The following GATA6 variants were observed in gnomAD, a reference collection of about 807,000 sequenced individuals.
GATA6 encodes transcription factor GATA-6.
In GATA6, 11 loss-of-function variants were observed where a neutral mutation model predicts 48.1. The observed-to-expected ratio is 0.23, with a 90% CI of 0.14 to 0.38. GATA6 has a LOEUF of 0.38. Among genes scored for constraint, GATA6 ranks in the 10% least tolerant of loss-of-function variants. The pLI is 1.00. For missense variants in GATA6, 795 were observed against 850.3 expected (o/e 0.93, Z 0.81); for synonymous variants, 419 against 396.1 (o/e 1.06, Z -0.69).
Position 22,200,338 on chromosome 18 carries a change from A to G in GATA6, c.1621-318A>G, listed in dbSNP as rs1056378185. Among the ~76,000 whole-genome samples the G allele has an allele frequency of 1.1e-4, 17 of 152,360 alleles. No individual in the cohort carries two copies. The East Asian group carries it at 2.7e-3, about 24-fold the overall frequency. On this transcript the variant is annotated intron_variant, in intron 6 of 6. Coordinates refer to ENST00000269216, the MANE Select transcript of GATA6 (RefSeq NM_005257.6). ...TCTTAGAGCTTGGCACTTTTTACAA[A>G]TAGGATTTCTTCAGTTCCCCTTCCT...
At position 22,200,930 on chromosome 18, in the gene GATA6, A is replaced by T; in HGVS notation, c.*107A>T. 1 of 1,161,696 alleles carries T rather than the reference A, an allele frequency of 8.6e-7. No homozygotes were observed. Among genetic ancestry groups the T allele is most frequent in the Non-Finnish European group, 1.2e-6 (1 of 824,626 alleles). 72.0% of individuals were successfully genotyped at this position (1,161,696 alleles called of 1,614,324 possible). A position where few individuals can be genotyped will look rare whatever the true frequency, so the allele number is the denominator to read the frequency against. Reference sequence around the variant, plus strand: ...GTGGCGACTGCGCTGACAGAACGTGATTCTCGTGCCTTTATTTTGAAAGAG... The same window carrying T: ...GTGGCGACTGCGCTGACAGAACGTGTTTCTCGTGCCTTTATTTTGAAAGAG... On this transcript the variant is annotated 3_prime_UTR_variant, in exon 7 of 7. Transcript: ENST00000269216.
At position 22,170,707 on chromosome 18, in the gene GATA6, T is replaced by C. The variant is rs1279271977; in HGVS notation, c.-37-401T>C. ...TGCCGACACGCACAGCTACTTAAAT[T>C]CTTTTGTGTGTCATCAGCCCGGGGG... On this transcript the variant is annotated intron_variant, in intron 1 of 6. Coordinates refer to ENST00000269216, the MANE Select transcript of GATA6 (RefSeq NM_005257.6). This position sits in a 1 kb window ranked among gnomAD's most constrained non-coding sequence, Gnocchi z 6.7. 6.6e-6 allele frequency among the ~76,000 whole-genome samples: 1 copy of C among 152,046 alleles called. No homozygotes were observed. The highest frequency in any genetic ancestry group is 6.5e-5 in the Admixed American group (1 of 15,276).
At chr18:22,180,549 A>G (rs1040071344) in intron 3 of GATA6, among the ~76,000 whole-genome samples, 1 of 152,204 alleles carries the variant, frequency 6.6e-6, no homozygotes, top group African/African-American at 2.4e-5. Context: ...GTATCACTGC[A>G]TCTAAGACAG....
chr18:22,180,120 G>T (rs1288308433), intron 3 of GATA6: 1 of 151,406 alleles, frequency 6.6e-6, no homozygotes, highest in African/African-American at 2.4e-5. Context: ...TTTTAACTAT[G>T]GAAGGCTTCA....
At position 22,185,839 on chromosome 18, in the gene GATA6, A is replaced by G. The variant is rs1047569870; in HGVS notation, c.1620+2796A>G. Among the ~76,000 whole-genome samples the G allele has an allele frequency of 2.0e-5, 3 of 152,046 alleles. No individual in the cohort carries two copies. The highest frequency in any genetic ancestry group is 6.6e-5 in the Admixed American group (1 of 15,262). ...TCCTCTCTGGGTGGGCTGAGCCTTCATGTGTATGGCATGGCCCATGTGGCT... is the reference window on the plus strand; with the variant it reads ...TCCTCTCTGGGTGGGCTGAGCCTTCGTGTGTATGGCATGGCCCATGTGGCT... On this transcript the variant is annotated intron_variant, in intron 6 of 6. Coordinates refer to ENST00000269216, the MANE Select transcript of GATA6 (RefSeq NM_005257.6). The surrounding 1 kb of genome is among the most constrained non-coding windows in gnomAD (Gnocchi z 4.3).
chr18:22,182,104 TAAA>T (rs1253424650), intron 4 of GATA6, among the ~76,000 whole-genome samples: 5 of 152,196 alleles, frequency 3.3e-5, no homozygotes, highest in African/African-American at 1.2e-4. Context: ...AACTCAATCT[TAAA>T]AAGAAAAATA....
chr18:22,193,158 G>A (rs893237630), intron 6 of GATA6, among the ~76,000 whole-genome samples: 2 of 152,176 alleles, frequency 1.3e-5, no homozygotes, highest in Non-Finnish European at 2.9e-5. Context: ...ATCAGTTGAG[G>A]TGACGGTGAC....
At chr18:22,184,374 T>C (rs80130204) in intron 6 of GATA6, among the ~76,000 whole-genome samples, 4,073 of 152,046 alleles carry the variant, frequency 0.027, 184 homozygotes, top group African/African-American at 0.093. Context: ...AGAATGTTTC[T>C]AGGCTTTATA....
At chr18:22,195,301 G>A (rs527948796) in intron 6 of GATA6, among the ~76,000 whole-genome samples, 49 of 152,184 alleles carry the variant, frequency 3.2e-4, no homozygotes, top group Non-Finnish European at 5.3e-4. Context: ...TGATTTCAGG[G>A]GCGGATGGGG....
rs587777710 is a variant in GATA6 at position 22,171,856 on chromosome 18, G to A, written c.712G>A (p.Gly238Arg). 1 of 1,186,610 alleles carries A rather than the reference G, an allele frequency of 8.4e-7. No individual in the cohort carries two copies. Among genetic ancestry groups the A allele is most frequent in the Non-Finnish European group, 1.0e-6 (1 of 959,784 alleles). The allele number at this position is 1,186,610 out of a possible 1,614,324, so 73.5% of individuals were successfully genotyped here. A position where few individuals can be genotyped will look rare whatever the true frequency, so the allele number is the denominator to read the frequency against. ...ASADSPPYGS[G>R]GGAAGGGAAG... ...GGCCGACAGCCCTCCATACGGCAGC[G>A]GAGGCGGCGCGGCTGGCGGCGGGGC... Residue 238 changes from glycine (G) to arginine (R), a missense_variant, in exon 2 of 7, where the codon GGA (glycine) becomes AGA (arginine). By Grantham distance (125) the Gly-to-Arg change is moderately radical. Coordinates refer to ENST00000269216, the MANE Select transcript of GATA6 (RefSeq NM_005257.6). This position sits in a 1 kb window ranked among gnomAD's most constrained non-coding sequence, Gnocchi z 7.1.
chr18:22,177,181 C>T, intron 3 of GATA6, 60 bp downstream of exon 3: 4 of 1,452,100 alleles, frequency 2.8e-6, no homozygotes, highest in Admixed American at 2.5e-5. Flanking sequence ...CTGGCCCGGC[C>T]GGCCCCGCCC....
intron 6 of GATA6, among the ~76,000 whole-genome samples, chr18:22,191,690 G>A (rs898398043): frequency 6.6e-6 from 1 of 152,170 alleles, no homozygotes; most frequent in African/African-American, 2.4e-5. Flanking sequence ...TCCATAGACA[G>A]GTGTTGGCAA....
At chr18:22,177,987 G>GTTTTTT (rs2033147733) in intron 3 of GATA6, among the ~76,000 whole-genome samples, 1 of 108,416 alleles carries the variant, frequency 9.2e-6, no homozygotes, top group African/African-American at 4.8e-5. Context: ...TTGAGACGGA[G>GTTTTTT]TTTCACTCTT....
chr18:22,194,561 GTGA>G (rs2033366516), intron 6 of GATA6, among the ~76,000 whole-genome samples: 1 of 152,220 alleles, frequency 6.6e-6, no homozygotes, highest in African/African-American at 2.4e-5. Context: ...TTGCAGGGTT[GTGA>G]TGTCTGCGAT....
chr18:22,197,119 GC>G (rs2033400616), intron 6 of GATA6, among the ~76,000 whole-genome samples: 1 of 88,156 alleles, frequency 1.1e-5, no homozygotes, highest in Non-Finnish European at 2.2e-5. Flanking sequence ...CACTTTTGTT[GC>G]CCAGACTGGA....
intron 6 of GATA6, among the ~76,000 whole-genome samples, chr18:22,199,129 G>A (rs2033425626): frequency 6.6e-6 from 1 of 152,198 alleles, no homozygotes; most frequent in African/African-American, 2.4e-5. Flanking sequence ...CCCTTATGGT[G>A]AGGGTTGAGA....
At chr18:22,177,897 G>T (rs1334074251) in intron 3 of GATA6, among the ~76,000 whole-genome samples, 1 of 133,080 alleles carries the variant, frequency 7.5e-6, no homozygotes, top group African/African-American at 3.0e-5. Flanking sequence ...AGTGTGGTTT[G>T]TATGTTCTTA....
chr18:22,171,196 G>T lies in GATA6; in HGVS notation c.52G>T (p.Gly18Cys). 1.3e-6 allele frequency: 2 copies of T among 1,599,764 alleles called. No homozygotes were observed. The change falls in exon 2 of 7, where the codon GGT becomes TGT. Residue 18 changes from glycine to cysteine, a missense_variant. Gly to Cys is a radical substitution (Grantham distance 159). Transcript: ENST00000269216. The surrounding 1 kb of genome is among the most constrained non-coding windows in gnomAD (Gnocchi z 7.1). ...CTTGCCGAAGCGCTTCGGGGCCGCG[G>T]GTGCGGACGCCAGCGACTCCAGAGC... Reference protein sequence around the residue: ...WCLPKRFGAAGADASDSRAFP... With the variant: ...WCLPKRFGAACADASDSRAFP...
In GATA6 at chr18:22,177,072, G is replaced by A. The variant is rs1363559429; in HGVS notation, c.1253G>A (p.Ser418Asn). The A allele has an allele frequency of 1.9e-6, 3 of 1,570,516 alleles. No individual in the cohort carries two copies. In the South Asian group the frequency reaches 3.5e-5, roughly 18 times the overall value. Residue 418 changes from serine (S) to asparagine (N), a missense_variant, in exon 3 of 7, where the codon AGC becomes AAC. Physicochemically the swap from Ser to Asn is conservative, Grantham distance 46 (BLOSUM62 1). Around this residue, in one of 5 missense-constraint regions of GATA6, gnomAD observed 76 missense variants for 113.1 expected, o/e 0.67. Transcript: ENST00000269216. ...HYLCNACGLY[S>N]KMNGLSRPLI... is the part of the protein sequence containing the mutation. ...CTGTGCAACGCCTGCGGGCTCTACA[G>A]CAAGATGAACGGCCTCAGCCGGCCC...
Sources: allele counts gnomAD v4.1 joint callset (sites outside exome capture counted in the v4.1 genomes callset), GRCh38; gene constraint gnomAD v4.1.1; regional missense constraint gnomAD v4.1.1; non-coding constraint Gnocchi (gnomAD v3.1); transcripts MANE v1.5; gene names NCBI Gene and HGNC (gene_info 2026-07-23, HGNC 2026-07-21).